The following MPP7 variants were observed in gnomAD, a reference collection of about 807,000 sequenced individuals.
MPP7 encodes the protein MAGUK p55 scaffold protein 7.
A neutral mutation model predicts 76.5 loss-of-function variants in MPP7; 60 were observed. That is an observed-to-expected ratio of 0.78 (90% CI 0.64 to 0.97). The LOEUF is 0.97. MPP7 is among the 50% of genes least tolerant of loss of function. The pLI is 0.00. For missense variants in MPP7, 641 were observed against 694.0 expected, an observed-to-expected ratio of 0.92 and a Z score of 0.86; for synonymous variants, 237 against 244.5, an observed-to-expected ratio of 0.97 and a Z score of 0.29.
At chr10:28,334,887 A>T (rs1264140802), upstream of MPP7, among the ~76,000 whole-genome samples, 4 of 152,222 alleles carry the variant, frequency 2.6e-5, no homozygotes, top group African/African-American at 4.8e-5. Flanking sequence ...TGTGTAACAA[A>T]TTACCCCAGA....
rs886437775 is a variant in MPP7 at position 28,238,494 on chromosome 10, A to C, written c.37+74T>G. On this transcript the variant is annotated intron_variant, in intron 2 of 16. Transcript: ENST00000683449. ...GCATGATCTGCCTGCATTTGCTTAAAGCATGCTGTATTTCACTGTGAACAA... is the reference window on the plus strand; with the variant it reads ...GCATGATCTGCCTGCATTTGCTTAACGCATGCTGTATTTCACTGTGAACAA... 10 of 1,473,202 alleles carry C rather than the reference A, an allele frequency of 6.8e-6. No homozygotes were observed. The African/African-American group carries it at 1.5e-4, about 21-fold the overall frequency. 91.3% of individuals were successfully genotyped at this position (1,473,202 alleles called of 1,614,324 possible).
chr10:28,219,816 T>C (rs1490621694), intron 2 of MPP7, among the ~76,000 whole-genome samples: 1 of 152,250 alleles, frequency 6.6e-6, no homozygotes, highest in South Asian at 2.1e-4. Flanking sequence ...TAAAATAGGA[T>C]ACACCAAGCT....
At chr10:28,056,752 C>A (rs1056637669) in intron 15 of MPP7, 129 bp from the exon 16 acceptor site, 2 of 689,652 alleles carry the variant, frequency 2.9e-6, no homozygotes, top group African/African-American at 1.9e-5. Flanking sequence ...TATTATTATT[C>A]AATTAACTGT....
intron 12 of MPP7, among the ~76,000 whole-genome samples, chr10:28,074,038 A>C (rs982372678): frequency 6.6e-6 from 1 of 152,180 alleles, no homozygotes; most frequent in Non-Finnish European, 1.5e-5. Flanking sequence ...AACACTGTTT[A>C]ATGGCTGTAT....
At chr10:28,083,477 G>A (rs1852857898) in intron 12 of MPP7, among the ~76,000 whole-genome samples, 1 of 149,810 alleles carries the variant, frequency 6.7e-6, no homozygotes, top group Non-Finnish European at 1.5e-5. Flanking sequence ...TTCTTTAGTA[G>A]AACTATTACT....
At chr10:28,130,329 T>G (rs1835152827) in intron 6 of MPP7, among the ~76,000 whole-genome samples, 1 of 152,002 alleles carries the variant, frequency 6.6e-6, no homozygotes, top group Non-Finnish European at 1.5e-5. Context: ...AGATGGTGAG[T>G]GGTTTGCTCT....
chr10:28,144,031 C>T (rs966208376), intron 5 of MPP7, among the ~76,000 whole-genome samples: 1 of 152,080 alleles, frequency 6.6e-6, no homozygotes, highest in African/African-American at 2.4e-5. Flanking sequence ...ATTACAGGCA[C>T]CTGCCACCGC....
intron 3 of MPP7, among the ~76,000 whole-genome samples, chr10:28,192,322 A>C (rs1272235752): frequency 3.3e-5 from 5 of 152,212 alleles, no homozygotes; most frequent in Admixed American, 2.6e-4. Flanking sequence ...CAGATTGAGA[A>C]CAAATAAACA....
intron 11 of MPP7, among the ~76,000 whole-genome samples, chr10:28,092,539 G>C (rs950803953): frequency 6.6e-6 from 1 of 151,016 alleles, no homozygotes; most frequent in Admixed American, 6.6e-5. Context: ...TTGTTTTCTA[G>C]GTTGTAGGGA....
At chr10:28,072,984 G>C (rs1264459715) in intron 12 of MPP7, among the ~76,000 whole-genome samples, 1 of 152,160 alleles carries the variant, frequency 6.6e-6, no homozygotes, top group Non-Finnish European at 1.5e-5. Flanking sequence ...GCTGAGCTGA[G>C]TGCAGAAAAC....
chr10:28,315,846 C>T (rs188522590), intron 2 of MPP7, among the ~76,000 whole-genome samples: 19 of 152,198 alleles, frequency 1.2e-4, no homozygotes, highest in South Asian at 6.2e-4. Flanking sequence ...CTATCTCAAC[C>T]AGCTGATCAA....
At chr10:28,114,524 G>C (rs910297544) in intron 11 of MPP7, among the ~76,000 whole-genome samples, 10 of 152,122 alleles carry the variant, frequency 6.6e-5, no homozygotes, top group African/African-American at 1.4e-4. Context: ...ACACTGGGCA[G>C]TAGTAAACGT....
chr10:28,192,130 C>A (rs11527607), intron 3 of MPP7, among the ~76,000 whole-genome samples: 10,669 of 151,468 alleles, frequency 0.07, 976 homozygotes, highest in East Asian at 0.43. Flanking sequence ...AAACTCTGAG[C>A]AAACTGGAAA....
chr10:28,076,682 G>A (rs754568914), intron 12 of MPP7, among the ~76,000 whole-genome samples: 3 of 152,164 alleles, frequency 2.0e-5, no homozygotes, highest in Non-Finnish European at 4.4e-5. Context: ...GAGGTCAGGA[G>A]TTTGAGACCA....
At chr10:28,239,973 A>T (rs1437522398) in intron 1 of MPP7, among the ~76,000 whole-genome samples, 1 of 152,170 alleles carries the variant, frequency 6.6e-6, no homozygotes, top group Non-Finnish European at 1.5e-5. Context: ...AATTCAGGTA[A>T]TGAGATTATA....
intron 1 of MPP7, among the ~76,000 whole-genome samples, chr10:28,295,552 C>T (rs1296932756): frequency 2.0e-5 from 3 of 148,938 alleles, no homozygotes; most frequent in East Asian, 4.7e-4. Flanking sequence ...CTTCCCAATG[C>T]CAAAAAAAGA....
At position 28,141,642 on chromosome 10, in the gene MPP7, G is replaced by A. The variant is rs772616590; in HGVS notation, c.315+5841C>T. ...TAAATATATGCATGCCGGCACACACGCGTACACATCAGGCCTGGGAATAGA... is the reference window on the plus strand; with the variant it reads ...TAAATATATGCATGCCGGCACACACACGTACACATCAGGCCTGGGAATAGA... On this transcript the variant is annotated intron_variant, in intron 5 of 16. Transcript: ENST00000683449. Among the ~76,000 whole-genome samples, 12 of 152,020 alleles carry A rather than the reference G, an allele frequency of 7.9e-5. No individual in the cohort carries two copies. In the East Asian group the frequency reaches 1.5e-3, roughly 20 times the overall value.
At chr10:28,088,637 T>A (rs1853136741) in intron 12 of MPP7, among the ~76,000 whole-genome samples, 1 of 152,170 alleles carries the variant, frequency 6.6e-6, no homozygotes, top group Admixed American at 6.5e-5. Context: ...AGTGTGAGAA[T>A]GTACTAACAC....
intron 2 of MPP7, among the ~76,000 whole-genome samples, chr10:28,215,725 T>G (rs1838288916): frequency 6.6e-6 from 1 of 152,176 alleles, no homozygotes. Flanking sequence ...TCTCTGTGTA[T>G]CCATTGTTTA....
Sources: allele counts gnomAD v4.1 joint callset (sites outside exome capture counted in the v4.1 genomes callset), GRCh38; gene constraint gnomAD v4.1.1; transcripts MANE v1.5; gene names NCBI Gene and HGNC (gene_info 2026-07-23, HGNC 2026-07-21).